The following UBE2K variants were observed in gnomAD, a reference collection of about 807,000 sequenced individuals.
UBE2K encodes ubiquitin conjugating enzyme E2 K.
Under a neutral mutation model 30.0 loss-of-function variants are expected in UBE2K, and 6 were observed. The observed-to-expected ratio is 0.20, with a 90% CI of 0.11 to 0.39. UBE2K has a LOEUF of 0.39. Among genes scored for constraint, UBE2K ranks in the 10% least tolerant of loss-of-function variants. The pLI, the probability that UBE2K is intolerant of heterozygous loss-of-function variation, is 1.00. For synonymous variants in UBE2K, 86 were observed against 83.7 expected, an observed-to-expected ratio of 1.03 and a Z score of -0.15; for missense variants, 61 against 241.6, an observed-to-expected ratio of 0.25 and a Z score of 4.96.
At chr4:39,705,998 T>G (rs1718338707) in intron 1 of UBE2K, among the ~76,000 whole-genome samples, 1 of 151,530 alleles carries the variant, frequency 6.6e-6, no homozygotes, top group South Asian at 2.1e-4. Context: ...ATTACAGGCA[T>G]GCGCCACCAT....
At chr4:39,722,464 G>T (rs1719477438) in intron 1 of UBE2K, among the ~76,000 whole-genome samples, 1 of 152,102 alleles carries the variant, frequency 6.6e-6, no homozygotes, top group Non-Finnish European at 1.5e-5. Context: ...CTTTGTAAAG[G>T]TACATTTTAT....
At chr4:39,763,979 G>C (rs1712144185) in intron 4 of UBE2K, among the ~76,000 whole-genome samples, 1 of 151,960 alleles carries the variant, frequency 6.6e-6, no homozygotes, top group Non-Finnish European at 1.5e-5. Flanking sequence ...CGATCTACCT[G>C]CTTCAGCCTC....
At chr4:39,753,159 C>T (rs1280333204) in intron 3 of UBE2K, among the ~76,000 whole-genome samples, 1 of 152,124 alleles carries the variant, frequency 6.6e-6, no homozygotes, top group Non-Finnish European at 1.5e-5. Flanking sequence ...GAGCCTATGT[C>T]GGGTGGATCT....
intron 2 of UBE2K, among the ~76,000 whole-genome samples, chr4:39,740,806 T>G: frequency 7.3e-6 from 1 of 137,372 alleles, no homozygotes; most frequent in Middle Eastern, 4.1e-3. Flanking sequence ...GAGCTTGCAG[T>G]GAGCCGAGAT....
intron 2 of UBE2K, among the ~76,000 whole-genome samples, chr4:39,740,927 C>G (rs1387566995): frequency 7.2e-6 from 1 of 139,796 alleles, no homozygotes; most frequent in Non-Finnish European, 1.6e-5. Context: ...CATTTTTTTT[C>G]TTTTCTTTTT....
intron 2 of UBE2K, among the ~76,000 whole-genome samples, chr4:39,743,032 C>G (rs529949913): frequency 6.7e-6 from 1 of 148,658 alleles, no homozygotes; most frequent in African/African-American, 2.5e-5. Flanking sequence ...GGCAACAGAA[C>G]GACCCTGTCT....
chr4:39,751,696 C>T (rs535895089), intron 3 of UBE2K, among the ~76,000 whole-genome samples: 3 of 152,008 alleles, frequency 2.0e-5, no homozygotes, highest in South Asian at 2.1e-4. Context: ...AAAAAGGCCA[C>T]GCGCAGTGGC....
intron 4 of UBE2K, among the ~76,000 whole-genome samples, chr4:39,767,241 G>A (rs1042746493): frequency 1.3e-5 from 2 of 149,394 alleles, no homozygotes; most frequent in African/African-American, 4.9e-5. Flanking sequence ...TTTATATATG[G>A]TATAATGTAA....
rs1253345719 is a variant in UBE2K at position 39,737,441 on chromosome 4, G to C, written c.85G>C (p.Val29Leu). 6.4e-7 allele frequency: 1 copy of C among 1,565,812 alleles called. No homozygotes were observed. The highest frequency in any genetic ancestry group is 1.4e-5 in the African/African-American group (1 of 72,024). The change falls in exon 2 of 7, where the codon GTA becomes CTA. Residue 29 changes from valine to leucine, a missense_variant. Transcript: ENST00000261427. Reference sequence around the variant, plus strand: ...TAAGACGAGCAAAAATCAAATTAAAGTAGATCTTGTAGATGAGAATTTTAC... The same window carrying C: ...TAAGACGAGCAAAAATCAAATTAAACTAGATCTTGTAGATGAGAATTTTAC... ...SEETSKNQIKVDLVDENFTEL... is the reference protein window; with the variant it reads ...SEETSKNQIKLDLVDENFTEL...
chr4:39,771,619 G>C (rs780232169), intron 4 of UBE2K, among the ~76,000 whole-genome samples: 19 of 152,176 alleles, frequency 1.2e-4, no homozygotes, highest in Non-Finnish European at 2.5e-4. Context: ...CTCCACGTGG[G>C]CGTAAAGGGG....
chr4:39,774,965 T>C (rs1713197748), intron 5 of UBE2K, 32 bp downstream of exon 5: 4 of 1,478,608 alleles, frequency 2.7e-6, no homozygotes, highest in Non-Finnish European at 2.8e-6. Flanking sequence ...GACTTTCTTA[T>C]ATTATGTATG....
At chr4:39,764,468 A>G (rs926155610) in intron 4 of UBE2K, among the ~76,000 whole-genome samples, 1 of 145,392 alleles carries the variant, frequency 6.9e-6, no homozygotes, top group African/African-American at 2.6e-5. Flanking sequence ...CCTGCCAGAC[A>G]TGGTTTTTCT....
At chr4:39,777,364 T>C (rs1713338150) in intron 5 of UBE2K, among the ~76,000 whole-genome samples, 1 of 152,248 alleles carries the variant, frequency 6.6e-6, no homozygotes, top group Non-Finnish European at 1.5e-5. Flanking sequence ...TAATGTTTGC[T>C]GCTTTCCAGT....
At chr4:39,754,493 A>G (rs1721426873) in intron 3 of UBE2K, among the ~76,000 whole-genome samples, 1 of 152,180 alleles carries the variant, frequency 6.6e-6, no homozygotes, top group Non-Finnish European at 1.5e-5. Context: ...CTTTCCATAA[A>G]TAGCTTAGGA....
At chr4:39,756,017 TAAG>T (rs769874229) in intron 4 of UBE2K, among the ~76,000 whole-genome samples, 3 of 152,342 alleles carry the variant, frequency 2.0e-5, no homozygotes, top group South Asian at 2.1e-4. Context: ...TTTGCTATCT[TAAG>T]AAGATATTTG....
intron 3 of UBE2K, among the ~76,000 whole-genome samples, chr4:39,751,456 T>G (rs190302010): frequency 4.3e-4 from 66 of 151,834 alleles, no homozygotes; most frequent in African/African-American, 1.6e-3. Context: ...GTGGATCACT[T>G]GAGCCCAAGA....
intron 3 of UBE2K, among the ~76,000 whole-genome samples, chr4:39,746,121 TAGAC>T (rs1430874906): frequency 4.6e-5 from 7 of 152,098 alleles, no homozygotes; most frequent in Admixed American, 2.0e-4. Flanking sequence ...CTTTTACACA[TAGAC>T]AGAGGTTCTT....
intron 1 of UBE2K, among the ~76,000 whole-genome samples, chr4:39,725,698 C>G (rs774156413): frequency 6.6e-6 from 1 of 152,176 alleles, no homozygotes; most frequent in Non-Finnish European, 1.5e-5. Flanking sequence ...CAGAAGCATG[C>G]AGGGAATTTT....
rs565192467 is a variant in UBE2K, at chr4:39,739,252, C to T, written c.157+1739C>T. Among the ~76,000 whole-genome samples, 13 of 150,506 alleles carry T rather than the reference C, an allele frequency of 8.6e-5. No individual in the cohort carries two copies. The South Asian group carries it at 1.1e-3, about 12-fold the overall frequency. On this transcript the variant is annotated intron_variant, in intron 2 of 6. Transcript: ENST00000261427. ...TTCACCGTGTTAGCCAGAATGGTCTCGATCTCCTGACCTCGTGATCTGCCA... is the reference window on the plus strand; with the variant it reads ...TTCACCGTGTTAGCCAGAATGGTCTTGATCTCCTGACCTCGTGATCTGCCA...
Sources: gnomAD v4.1 joint callset for allele counts (sites outside exome capture counted in the v4.1 genomes callset) on GRCh38, gnomAD v4.1.1 for gene constraint, MANE v1.5 for transcripts, NCBI Gene and HGNC (gene_info 2026-07-23, HGNC 2026-07-21) for gene names.